The following PXK variants were observed in gnomAD, a reference collection of about 807,000 sequenced individuals.
The protein encoded by PXK is PX domain-containing protein kinase-like protein.
Under a neutral mutation model 84.7 loss-of-function variants are expected in PXK, and 35 were observed. The observed-to-expected ratio is 0.41, with a 90% CI of 0.32 to 0.55. The LOEUF (loss-of-function observed/expected upper bound fraction) is 0.55. Among genes scored for constraint, PXK ranks in the 20% least tolerant of loss-of-function variants. The pLI is 0.21. For missense variants in PXK, 634 were observed against 699.7 expected (o/e 0.91, Z 1.06); for synonymous variants, 253 against 260.8 (o/e 0.97, Z 0.29).
At position 58,399,575 on chromosome 3, in the gene PXK, A is replaced by G. The variant is rs542690849; in HGVS notation, c.1181+198A>G. ...TCTGTGCTCTCCTGGTCTGATGGCT[A>G]TCCTTTAACATCTGTGTCATTTTCA... On this transcript the variant is annotated intron_variant, in intron 12 of 17. Transcript: ENST00000356151. This position sits in a 1 kb window ranked among gnomAD's most constrained non-coding sequence, Gnocchi z 4.3. Among the ~76,000 whole-genome samples the G allele has an allele frequency of 2.4e-3, 362 of 152,274 alleles. No homozygotes were observed. The highest frequency in any genetic ancestry group is 4.1e-3 in the Admixed American group (63 of 15,298).
At position 58,421,910 on chromosome 3, in the gene PXK, C is replaced by T; in HGVS notation, c.1529-2842C>T. ...GCAAATTCAGGTATCATAAGTCTAA[C>T]ATGGAATCGGTCTGCTCTCATATGT... On this transcript the variant is annotated intron_variant, in intron 17 of 17. Transcript: ENST00000356151. The surrounding 1 kb of genome is among the most constrained non-coding windows in gnomAD (Gnocchi z 5.5). The T allele has an allele frequency of 1.0e-6, 1 of 985,424 alleles. No homozygotes were observed. Among genetic ancestry groups the T allele is most frequent in the Non-Finnish European group, 1.2e-6 (1 of 829,936 alleles). The allele number at this position is 985,424 out of a possible 1,614,324, so 61.0% of individuals were successfully genotyped here. A position where few individuals can be genotyped will look rare whatever the true frequency, so the allele number is the denominator to read the frequency against.
Position 58,333,115 on chromosome 3 carries a change from G to C in PXK, c.102+25G>C. 1 of 1,101,474 alleles carries C rather than the reference G, an allele frequency of 9.1e-7. No individual in the cohort carries two copies. Among genetic ancestry groups the C allele is most frequent in the Non-Finnish European group, 1.1e-6 (1 of 903,990 alleles). The allele number at this position is 1,101,474 out of a possible 1,614,324, so 68.2% of individuals were successfully genotyped here. On this transcript the variant is annotated intron_variant, in intron 1 of 17. Transcript: ENST00000356151. The surrounding 1 kb of genome is among the most constrained non-coding windows in gnomAD (Gnocchi z 5.4). ...GGTGCGCGGCCCAGCGGGCGGGCGG[G>C]CGGCGTGGGGCGGCCCCGGGCCGCG...
At position 58,379,972 on chromosome 3, in the gene PXK, A is replaced by AAAAAC. The variant is rs1218251312; in HGVS notation, c.202-2527_202-2523dup. 3.3e-5 allele frequency among the ~76,000 whole-genome samples: 5 copies of AAAAAC among 152,014 alleles called. No individual in the cohort carries two copies. The highest frequency in any genetic ancestry group is 1.3e-4 in the Admixed American group (2 of 15,258). Reference sequence around the variant, plus strand: ...GGGTGACAGGGTGAGAACCTGTCTCAAAAACAAAACAAAACAAAAAGAGCA... The same window carrying AAAAAC: ...GGGTGACAGGGTGAGAACCTGTCTCAAAAACAAAACAAAACAAAACAAAAAGAGCA... On this transcript the variant is annotated intron_variant, in intron 3 of 17. Coordinates refer to ENST00000356151, the MANE Select transcript of PXK (RefSeq NM_017771.5). This position sits in a 1 kb window ranked among gnomAD's most constrained non-coding sequence, Gnocchi z 5.1.
intron 17 of PXK, chr3:58,423,414 G>T: frequency 6.6e-7 from 1 of 1,519,754 alleles, no homozygotes; most frequent in Non-Finnish European, 8.8e-7. Flanking sequence ...AGCATTCCAA[G>T]ATTGCAGAGC....
At chr3:58,357,233 T>C (rs1438363801) in intron 1 of PXK, among the ~76,000 whole-genome samples, 13 of 151,474 alleles carry the variant, frequency 8.6e-5, no homozygotes. Flanking sequence ...GAGCCGAGAT[T>C]GTGCGACTGC....
intron 8 of PXK, 141 bp downstream of exon 8, chr3:58,395,243 C>A: frequency 1.7e-6 from 1 of 586,694 alleles, no homozygotes; most frequent in Non-Finnish European, 2.9e-6. Context: ...TATTTTTATT[C>A]ATGCAATAAA....
intron 1 of PXK, among the ~76,000 whole-genome samples, chr3:58,336,495 A>G (rs1323445152): frequency 2.6e-5 from 4 of 152,170 alleles, no homozygotes; most frequent in Non-Finnish European, 4.4e-5. Context: ...CAGAAAGGCT[A>G]GTATTTAGGG....
At chr3:58,341,060 T>C (rs371159638) in intron 1 of PXK, among the ~76,000 whole-genome samples, 19 of 152,152 alleles carry the variant, frequency 1.2e-4, no homozygotes, top group Middle Eastern at 3.4e-3. Flanking sequence ...GAAGTTAAAG[T>C]TGACTCCTCT....
chr3:58,423,314 C>G, intron 17 of PXK: 5 of 1,441,732 alleles, frequency 3.5e-6, no homozygotes, highest in Non-Finnish European at 4.6e-6. Flanking sequence ...TAAAACATAA[C>G]AATTTCATTC....
At chr3:58,345,052 C>G (rs1241435022) in intron 1 of PXK, among the ~76,000 whole-genome samples, 2 of 152,174 alleles carry the variant, frequency 1.3e-5, no homozygotes, top group African/African-American at 4.8e-5. Flanking sequence ...GCGTGCCAGG[C>G]ACTGTACTGC....
At chr3:58,352,910 C>T (rs1309442591) in intron 1 of PXK, among the ~76,000 whole-genome samples, 2 of 152,112 alleles carry the variant, frequency 1.3e-5, no homozygotes, top group African/African-American at 2.4e-5. Flanking sequence ...ATGATCATGA[C>T]GCTCATCTCA....
chr3:58,338,423 G>C (rs1267319312), intron 1 of PXK, among the ~76,000 whole-genome samples: 1 of 151,720 alleles, frequency 6.6e-6, no homozygotes, highest in East Asian at 2.0e-4. Flanking sequence ...AGAAGTTCGA[G>C]AACAGCCTGG....
chr3:58,408,064 G>A (rs2059652410), intron 13 of PXK, among the ~76,000 whole-genome samples: 1 of 151,990 alleles, frequency 6.6e-6, no homozygotes, highest in African/African-American at 2.4e-5. Context: ...GTAAGGTAAG[G>A]GTCCAACTTC....
In PXK at chr3:58,421,288, G is replaced by A. The variant is rs568871777; in HGVS notation, c.1529-3464G>A. On this transcript the variant is annotated intron_variant, in intron 17 of 17. Coordinates refer to ENST00000356151, the MANE Select transcript of PXK (RefSeq NM_017771.5). The surrounding 1 kb of genome is among the most constrained non-coding windows in gnomAD (Gnocchi z 5.5). The stretch of plus-strand genomic sequence containing the variant: ...GGCTGCTAACATGGGCCTAAGAGTC[G>A]GTGGGGAAGGGAGCCAGGCGCAGTG... 168 of 985,150 alleles carry A rather than the reference G, an allele frequency of 1.7e-4. No individual in the cohort carries two copies. Among genetic ancestry groups the A allele is most frequent in the Non-Finnish European group, 2.0e-4 (163 of 829,884 alleles). The allele number at this position is 985,150 out of a possible 1,614,324, so 61.0% of individuals were successfully genotyped here.
chr3:58,422,889 C>T, intron 17 of PXK: 1 of 985,478 alleles, frequency 1.0e-6, no homozygotes, highest in Non-Finnish European at 1.2e-6. Context: ...AGTGATTCTT[C>T]TGCCGGGGGT....
intron 3 of PXK, among the ~76,000 whole-genome samples, chr3:58,375,640 T>C (rs563885311): frequency 1.2e-3 from 178 of 152,352 alleles, no homozygotes; most frequent in African/African-American, 4.0e-3. Context: ...GGATTTTCTC[T>C]GGGTACTCCA....
intron 13 of PXK, 84 bp downstream of exon 13, chr3:58,403,994 A>G (rs1225754676): frequency 2.1e-6 from 2 of 949,830 alleles, no homozygotes; most frequent in Admixed American, 5.7e-5. Context: ...CAAAAAAAGA[A>G]AAGATATATA....
intron 3 of PXK, among the ~76,000 whole-genome samples, chr3:58,380,370 C>T (rs143462190): frequency 3.1e-4 from 46 of 150,670 alleles, no homozygotes; most frequent in Non-Finnish European, 4.7e-4. Context: ...GAATTTGAGG[C>T]GACAGTGGGC....
In PXK at chr3:58,409,946, G is replaced by C; in HGVS notation, c.1396-144G>C. On this transcript the variant is annotated intron_variant, in intron 15 of 17. Transcript: ENST00000356151. This position sits in a 1 kb window ranked among gnomAD's most constrained non-coding sequence, Gnocchi z 4.2. ...GTTTTGGCTGTGACTTCTTCACTGT[G>C]TTAAGTTATGGGGCTGAATATTACC... 1 of 628,104 alleles carries C rather than the reference G, an allele frequency of 1.6e-6. No homozygotes were observed. The highest frequency in any genetic ancestry group is 2.7e-5 in the East Asian group (1 of 36,626). The allele number at this position is 628,104 out of a possible 1,614,324, so 38.9% of individuals were successfully genotyped here.
Sources: gnomAD v4.1 joint callset for allele counts (sites outside exome capture counted in the v4.1 genomes callset) on GRCh38, gnomAD v4.1.1 for gene constraint, Gnocchi (gnomAD v3.1) non-coding constraint, MANE v1.5 for transcripts, NCBI Gene and HGNC (gene_info 2026-07-23, HGNC 2026-07-21) for gene names.